Variants in ERH observed in about 807,000 individuals in gnomAD.
ERH encodes ERH mRNA splicing and mitosis factor, also known as enhancer of rudimentary homolog.
A neutral mutation model predicts 16.8 loss-of-function variants in ERH; 1 was observed. The ratio of observed to expected loss-of-function variants is 0.06; its 90% confidence interval spans 0.02 to 0.28. The LOEUF (loss-of-function observed/expected upper bound fraction) is 0.28, where lower values mean the gene tolerates loss of function less well. Among genes scored for constraint, ERH ranks in the 10% least tolerant of loss-of-function variants. The pLI, the probability that ERH is intolerant of heterozygous loss-of-function variation, is 1.00. For missense variants in ERH, 42 were observed against 127.5 expected, an observed-to-expected ratio of 0.33 and a Z score of 3.23; for synonymous variants, 43 against 43.6, an observed-to-expected ratio of 0.99 and a Z score of 0.05.
chr14:69,391,361 G>A (rs2045922854), intron 2 of ERH, among the ~76,000 whole-genome samples: 1 of 152,044 alleles, frequency 6.6e-6, no homozygotes, highest in Non-Finnish European at 1.5e-5. Flanking sequence ...ATACTGCTAG[G>A]TTGGCCAGGC....
chr14:69,398,068 C>T (rs1882408076), intron 1 of ERH, 163 bp downstream of exon 1: 5 of 925,650 alleles, frequency 5.4e-6, no homozygotes, highest in Non-Finnish European at 8.3e-6. Flanking sequence ...AGAGTCAGGC[C>T]TGGCGTCCCT....
intron 2 of ERH, among the ~76,000 whole-genome samples, chr14:69,388,718 C>T (rs540987116): frequency 1.3e-5 from 2 of 152,254 alleles, no homozygotes; most frequent in East Asian, 1.9e-4. Flanking sequence ...AGTCTATTCC[C>T]GCTGTCAACT....
At chr14:69,389,066 G>A (rs1241679768) in intron 2 of ERH, among the ~76,000 whole-genome samples, 2 of 152,002 alleles carry the variant, frequency 1.3e-5, no homozygotes, top group Non-Finnish European at 2.9e-5. Context: ...TGTTGCCCAG[G>A]CTGGAGTGCA....
chr14:69,393,700 C>T (rs1882269118), intron 2 of ERH, among the ~76,000 whole-genome samples: 1 of 152,124 alleles, frequency 6.6e-6, no homozygotes, highest in South Asian at 2.1e-4. Context: ...CTACTGCGTA[C>T]AATGTACACC....
chr14:69,387,124 A>G, intron 2 of ERH, 41 bp from the exon 3 acceptor site: 1 of 1,582,304 alleles, frequency 6.3e-7, no homozygotes, highest in Non-Finnish European at 8.7e-7. Flanking sequence ...TTACAATCGC[A>G]TACACTTCTA....
chr14:69,388,683 C>A (rs907127272), intron 2 of ERH, among the ~76,000 whole-genome samples: 3 of 152,062 alleles, frequency 2.0e-5, no homozygotes, highest in Non-Finnish European at 4.4e-5. Flanking sequence ...TTTCTTATTC[C>A]CACAAAAGGA....
intron 2 of ERH, among the ~76,000 whole-genome samples, chr14:69,394,491 G>C (rs1472596650): frequency 1.3e-5 from 2 of 152,210 alleles, no homozygotes; most frequent in Non-Finnish European, 2.9e-5. Flanking sequence ...AGCTACTTGG[G>C]AGGCTGAGGC....
rs369219629 is a variant in ERH, at chr14:69,388,035, ACT to A, written c.92-954_92-953del. Among the ~76,000 whole-genome samples the A allele has an allele frequency of 5.0e-3, 760 of 152,210 alleles. 2 individuals are homozygous for A. The highest frequency in any genetic ancestry group is 0.018 in the African/African-American group (738 of 41,516). ...ACTCCAGCCCGGGTGACAGAGCAAG[ACT>A]CTGTCTCAAACAAACAAACAAACAA... On this transcript the variant is annotated intron_variant, in intron 2 of 3. Coordinates refer to ENST00000557016, the MANE Select transcript of ERH (RefSeq NM_004450.3).
intron 3 of ERH, among the ~76,000 whole-genome samples, chr14:69,384,023 G>C (rs2140229011): frequency 6.6e-6 from 1 of 151,996 alleles, no homozygotes; most frequent in Non-Finnish European, 1.5e-5. Flanking sequence ...AGTTAGAAAA[G>C]TTATGTTATG....
intron 3 of ERH, among the ~76,000 whole-genome samples, chr14:69,383,757 T>C (rs1038216518): frequency 6.6e-6 from 1 of 152,244 alleles, no homozygotes; most frequent in Non-Finnish European, 1.5e-5. Context: ...ATTATCTAGG[T>C]AATAATTAAA....
chr14:69,397,860 G>A (rs1186561454), intron 1 of ERH, among the ~76,000 whole-genome samples: 1 of 152,226 alleles, frequency 6.6e-6, no homozygotes, highest in Non-Finnish European at 1.5e-5. Context: ...AGAGGTTGCA[G>A]GGGTCTGAGA....
At chr14:69,392,728 T>C (rs1485333034) in intron 2 of ERH, among the ~76,000 whole-genome samples, 1 of 152,218 alleles carries the variant, frequency 6.6e-6, no homozygotes, top group Non-Finnish European at 1.5e-5. Context: ...TCACCACTGT[T>C]ACAAATGCAC....
intron 2 of ERH, among the ~76,000 whole-genome samples, chr14:69,390,037 G>A (rs573276102): frequency 6.6e-6 from 1 of 151,954 alleles, no homozygotes; most frequent in East Asian, 1.9e-4. Flanking sequence ...GGGATAACAG[G>A]TGTGAGCCAC....
intron 3 of ERH, among the ~76,000 whole-genome samples, chr14:69,385,881 A>G (rs979713317): frequency 6.6e-6 from 1 of 152,166 alleles, no homozygotes; most frequent in Non-Finnish European, 1.5e-5. Flanking sequence ...CTTCCAGGAT[A>G]TCATTGCTCC....
chr14:69,389,036 T>C (rs913901444), intron 2 of ERH, among the ~76,000 whole-genome samples: 1 of 152,086 alleles, frequency 6.6e-6, no homozygotes, highest in Non-Finnish European at 1.5e-5. Context: ...TTTTTTTTTT[T>C]GAGATGGATT....
At position 69,397,076 on chromosome 14, in the gene ERH, T is replaced by A. The variant is rs191287926; in HGVS notation, c.3+1155A>T. 8.5e-5 allele frequency among the ~76,000 whole-genome samples: 13 copies of A among 152,366 alleles called. No individual in the cohort carries two copies. The East Asian group carries it at 1.9e-3, about 23-fold the overall frequency. On this transcript the variant is annotated intron_variant, in intron 1 of 3. Transcript: ENST00000557016. Reference sequence around the variant, plus strand: ...TGGAAAAAGCTATACAGCATGTTGCTTTTTATATCTAGTCTTAAAATGAAC... The same window carrying A: ...TGGAAAAAGCTATACAGCATGTTGCATTTTATATCTAGTCTTAAAATGAAC...
At position 69,380,576 on chromosome 14, in the gene ERH, C is replaced by G; in HGVS notation, c.277G>C (p.Val93Leu). 1 of 1,607,878 alleles carries G rather than the reference C, an allele frequency of 6.2e-7. No homozygotes were observed. Among genetic ancestry groups the G allele is most frequent in the Non-Finnish European group, 8.5e-7 (1 of 1,176,722 alleles). The stretch of plus-strand genomic sequence containing the variant: ...TGTTGGGCCTGCCGACGAAGGAGCA[C>G]GTAGATCTTCTCTTTAATCCAGTCT... Reference protein sequence around the residue: ...NKDWIKEKIYVLLRRQAQQAG... With the variant: ...NKDWIKEKIYLLLRRQAQQAG... Residue 93 changes from valine (V) to leucine (L), a missense_variant, in exon 4 of 4, where the codon GTG becomes CTG. By Grantham distance (32) the Val-to-Leu change is conservative. Transcript: ENST00000557016.
At chr14:69,391,440 G>GT (rs1379206428) in intron 2 of ERH, among the ~76,000 whole-genome samples, 1 of 151,892 alleles carries the variant, frequency 6.6e-6, no homozygotes, top group African/African-American at 2.4e-5. Context: ...GAGGTCAGGA[G>GT]TTTGAGACCA....
chr14:69,390,641 T>A (rs2045918958), intron 2 of ERH, among the ~76,000 whole-genome samples: 1 of 152,130 alleles, frequency 6.6e-6, no homozygotes, highest in Non-Finnish European at 1.5e-5. Context: ...TTCTTAGATA[T>A]GACACCAAAA....
Sources: gnomAD v4.1 joint callset for allele counts (sites outside exome capture counted in the v4.1 genomes callset) on GRCh38, gnomAD v4.1.1 for gene constraint, MANE v1.5 for transcripts, NCBI Gene and HGNC (gene_info 2026-07-23, HGNC 2026-07-21) for gene names.